Variants in JAK2 observed in about 807,000 individuals in gnomAD.
The protein encoded by JAK2 is Janus kinase 2.
JAK2 carries 86 observed loss-of-function variants against 139.3 expected under a neutral mutation model. The observed-to-expected ratio is 0.62, with a 90% CI of 0.52 to 0.74. JAK2 has a LOEUF of 0.74. Among genes scored for constraint, JAK2 ranks in the 30% least tolerant of loss-of-function variants. JAK2 has a pLI of 0.00. For missense variants in JAK2, 1,421 were observed against 1,360.3 expected, an observed-to-expected ratio of 1.04 and a Z score of -0.70; for synonymous variants, 490 against 437.7, an observed-to-expected ratio of 1.12 and a Z score of -1.49.
intron 4 of JAK2, 53 bp from the exon 5 acceptor site, chr9:5,044,350 C>G: frequency 9.2e-7 from 1 of 1,084,406 alleles, no homozygotes; most frequent in Non-Finnish European, 1.4e-6. Flanking sequence ...ATAGATAGTA[C>G]GTTTGTATTT....
At position 5,126,916 on chromosome 9, in the gene JAK2, G is replaced by A. The variant is rs767898973; in HGVS notation, c.*125G>A. The A allele has an allele frequency of 4.0e-5, 20 of 502,090 alleles. No homozygotes were observed. Among genetic ancestry groups the A allele is most frequent in the Non-Finnish European group, 6.4e-5 (19 of 297,878 alleles). The allele number at this position is 502,090 out of a possible 1,614,324, so 31.1% of individuals were successfully genotyped here. A position where few individuals can be genotyped will look rare whatever the true frequency, so the allele number is the denominator to read the frequency against. ...AATCATGATGCTAGCCAGCAAAGAT[G>A]TGAAAATATCTGCTCAAAACTTTCA... On this transcript the variant is annotated 3_prime_UTR_variant, in exon 25 of 25. Transcript: ENST00000381652.
rs149753991 is a variant in JAK2 at position 5,023,357 on chromosome 9, A to T, written c.226+1144A>T. On this transcript the variant is annotated intron_variant, in intron 3 of 24. Coordinates refer to ENST00000381652, the MANE Select transcript of JAK2 (RefSeq NM_004972.4). ...TGATTACATTCTTTTTTACGATGCC[A>T]CTGGGCCCCAGGGGAGTACGCATTC... Among the ~76,000 whole-genome samples, 12 of 152,164 alleles carry T rather than the reference A, an allele frequency of 7.9e-5. No homozygotes were observed. In the East Asian group the frequency reaches 2.3e-3, roughly 29 times the overall value.
chr9:5,102,081 ACAAACTTCTCCAAGCTAAAGGAGGATGTT>A (rs1821539825), intron 22 of JAK2, among the ~76,000 whole-genome samples: 1 of 152,182 alleles, frequency 6.6e-6, no homozygotes, highest in Non-Finnish European at 1.5e-5. Flanking sequence ...GTTGGTAATA[ACAAACTTCTCCAAGCTAAAGGAGGATGTT>A]CAAACCCATC....
At chr9:5,090,999 T>A in intron 22 of JAK2, 88 bp downstream of exon 22, 1 of 1,001,178 alleles carries the variant, frequency 1.0e-6, no homozygotes, top group African/African-American at 1.6e-5. Context: ...CATTTCTATA[T>A]TTACAGTAAC....
chr9:5,025,941 G>C (rs776572175), intron 3 of JAK2, among the ~76,000 whole-genome samples: 7 of 152,138 alleles, frequency 4.6e-5, no homozygotes, highest in African/African-American at 1.7e-4. Context: ...GCATAATGTT[G>C]TTCTAGCACT....
Position 5,128,086 on chromosome 9 carries a change from G to GTGTGTGTC in JAK2, c.*1302_*1303insCTGTGTGT, listed in dbSNP as rs1354850831. 2 of 58,170 alleles carry GTGTGTGTC rather than the reference G, an allele frequency of 3.4e-5. No individual in the cohort carries two copies. The highest frequency in any genetic ancestry group is 8.7e-5 in the African/African-American group (2 of 23,096). 3.6% of individuals were successfully genotyped at this position (58,170 alleles called of 1,614,324 possible). ...AAATAAAATATGGTGGGTTTTGTGT[G>GTGTGTGTC]TGTGTGTGTGTGTGTGTGTGTGTGT... On this transcript the variant is annotated 3_prime_UTR_variant, in exon 25 of 25. Coordinates refer to ENST00000381652, the MANE Select transcript of JAK2 (RefSeq NM_004972.4).
At position 5,054,563 on chromosome 9, in the gene JAK2, C is replaced by T. The variant is rs1817632552; in HGVS notation, c.615C>T (p.Ser205=). Residue 205 remains serine (S), a splice_region_variant and synonymous_variant, in exon 7 of 25, where the codon AGC becomes AGT. Transcript: ENST00000381652. The surrounding 1 kb of genome is among the most constrained non-coding windows in gnomAD (Gnocchi z 4.9). Reference sequence around the variant, plus strand: ...TCTGTATGTGCTTTTTTATCCCTAGCTACAAGACATTCTTACCAAAATGTA... The same window carrying T: ...TCTGTATGTGCTTTTTTATCCCTAGTTACAAGACATTCTTACCAAAATGTA... ...QTPLAIYNSI[S]YKTFLPKCIR... 1 of 1,570,132 alleles carries T rather than the reference C, an allele frequency of 6.4e-7. No individual in the cohort carries two copies. Among genetic ancestry groups the T allele is most frequent in the Admixed American group, 1.9e-5 (1 of 52,784 alleles).
At chr9:5,044,593 A>C in intron 5 of JAK2, 73 bp downstream of exon 5, 1 of 954,064 alleles carries the variant, frequency 1.0e-6, no homozygotes, top group Non-Finnish European at 1.6e-6. Context: ...TCACTTAATC[A>C]GGAAAAACTT....
chr9:5,081,721 C>A lies in JAK2; in HGVS notation c.2435-4C>A. 6.3e-7 allele frequency: 1 copy of A among 1,582,580 alleles called. No homozygotes were observed. The highest frequency in any genetic ancestry group is 8.7e-7 in the Non-Finnish European group (1 of 1,152,448). On this transcript the variant is annotated splice_region_variant and splice_polypyrimidine_tract_variant and intron_variant, in intron 18 of 24. Transcript: ENST00000381652. ...TAAGGTGATAATATTCTTTATTTCTCCAGATTATGAACTATTAACAGAAAA... is the reference window on the plus strand; with the variant it reads ...TAAGGTGATAATATTCTTTATTTCTACAGATTATGAACTATTAACAGAAAA...
intron 2 of JAK2, among the ~76,000 whole-genome samples, chr9:5,002,910 C>T (rs1271216886): frequency 1.3e-5 from 2 of 151,776 alleles, no homozygotes; most frequent in Non-Finnish European, 3.0e-5. Flanking sequence ...TATTTGTGTA[C>T]CGTATGAAGT....
intron 2 of JAK2, among the ~76,000 whole-genome samples, chr9:4,990,527 T>C (rs1820181277): frequency 6.6e-6 from 1 of 152,048 alleles, no homozygotes; most frequent in Non-Finnish European, 1.5e-5. Context: ...AGGCTGGTGC[T>C]GTGGTACTTA....
chr9:5,127,962 A>G lies in JAK2; in HGVS notation c.*1171A>G, dbSNP rs1260490111. 2 of 231,718 alleles carry G rather than the reference A, an allele frequency of 8.6e-6. No homozygotes were observed. The highest frequency in any genetic ancestry group is 1.2e-4 in the East Asian group (2 of 16,606). The allele number at this position is 231,718 out of a possible 1,614,324, so 14.4% of individuals were successfully genotyped here. The stretch of plus-strand genomic sequence containing the variant: ...AAAATTCATAACGTGTATCTTTAAG[A>G]AAAATGAGCATACATCTTAAATCTT... On this transcript the variant is annotated 3_prime_UTR_variant, in exon 25 of 25. Transcript: ENST00000381652.
chr9:5,088,444 C>A (rs892798515), intron 19 of JAK2, among the ~76,000 whole-genome samples: 2 of 152,028 alleles, frequency 1.3e-5, no homozygotes, highest in African/African-American at 2.4e-5. Context: ...TGATTAATAT[C>A]AAAAACCTAT....
At chr9:5,012,112 A>G (rs1428141431) in intron 2 of JAK2, among the ~76,000 whole-genome samples, 2 of 152,082 alleles carry the variant, frequency 1.3e-5, no homozygotes, top group South Asian at 2.1e-4. Context: ...TCTGCCCTCA[A>G]TTTTTGGCTT....
chr9:5,039,477 C>T (rs1030080491), intron 4 of JAK2, among the ~76,000 whole-genome samples: 7 of 152,202 alleles, frequency 4.6e-5, no homozygotes, highest in African/African-American at 9.6e-5. Context: ...ATATCAGGAA[C>T]ATGAGTATTT....
At chr9:5,041,296 G>A (rs1816487879) in intron 4 of JAK2, 1 of 915,670 alleles carries the variant, frequency 1.1e-6, no homozygotes. Flanking sequence ...CTGGTCTCAG[G>A]ACCAAGAAGC....
chr9:5,089,737 G>C lies in JAK2; in HGVS notation c.2635G>C (p.Val879Leu). Residue 879 changes from valine to leucine, a missense_variant, in exon 20 of 25, where the codon GTC becomes CTC. By Grantham distance (32) the Val-to-Leu change is conservative. Coordinates refer to ENST00000381652, the MANE Select transcript of JAK2 (RefSeq NM_004972.4). ...DPLQDNTGEV[V>L]AVKKLQHSTE... ...TCTACAGGACAACACTGGGGAGGTG[G>C]TCGCTGTAAAAAAGCTTCAGCATAG... The C allele has an allele frequency of 2.5e-6, 4 of 1,581,908 alleles. No individual in the cohort carries two copies. The highest frequency in any genetic ancestry group is 3.4e-6 in the Non-Finnish European group (4 of 1,164,426).
intron 8 of JAK2, among the ~76,000 whole-genome samples, chr9:5,060,803 G>A (rs993192145): frequency 1.3e-5 from 2 of 152,130 alleles, no homozygotes; most frequent in Admixed American, 6.5e-5. Flanking sequence ...CTTTCCATAA[G>A]TTTTTCTATT....
chr9:5,122,013 A>G (rs570626210), intron 22 of JAK2, among the ~76,000 whole-genome samples: 4 of 152,190 alleles, frequency 2.6e-5, no homozygotes, highest in Non-Finnish European at 4.4e-5. Flanking sequence ...CTAAATGTAA[A>G]AAGAATATAG....
Sources: allele counts gnomAD v4.1 joint callset (sites outside exome capture counted in the v4.1 genomes callset), GRCh38; gene constraint gnomAD v4.1.1; non-coding constraint Gnocchi (gnomAD v3.1); transcripts MANE v1.5; gene names NCBI Gene and HGNC (gene_info 2026-07-23, HGNC 2026-07-21).